Variants in GLT8D2 observed in about 807,000 individuals in gnomAD.
The protein encoded by GLT8D2 is glycosyltransferase 8 domain containing 2, also known as glycosyltransferase 8 domain-containing protein 2.
A neutral mutation model predicts 44.5 loss-of-function variants in GLT8D2; 45 were observed. The observed-to-expected ratio is 1.01, with a 90% CI of 0.80 to 1.30. The LOEUF (loss-of-function observed/expected upper bound fraction) is 1.30, where lower values mean the gene tolerates loss of function less well. GLT8D2 is among the 50% of genes most tolerant of loss of function. GLT8D2 has a pLI of 0.00. For missense variants in GLT8D2, 400 were observed against 430.4 expected, an observed-to-expected ratio of 0.93 and a Z score of 0.62; for synonymous variants, 156 against 157.2, an observed-to-expected ratio of 0.99 and a Z score of 0.06.
chr12:104,030,896 C>T, intron 1 of GLT8D2: 7 of 1,546,402 alleles, frequency 4.5e-6, no homozygotes, highest in South Asian at 3.4e-5. Context: ...GGAGGCGAAG[C>T]GCGGCGGGCA....
intron 1 of GLT8D2, chr12:104,031,602 G>GC (rs1302586816): frequency 6.3e-7 from 1 of 1,587,304 alleles, no homozygotes; most frequent in Non-Finnish European, 8.6e-7. Flanking sequence ...TTGTCCCTCT[G>GC]CCCCTCCCAC....
chr12:104,027,751 G>A (rs935032726), intron 1 of GLT8D2, among the ~76,000 whole-genome samples: 3 of 152,012 alleles, frequency 2.0e-5, no homozygotes, highest in East Asian at 1.9e-4. Context: ...ATTGTGGCTC[G>A]GAGAGGTTCA....
At position 104,030,636 on chromosome 12, in the gene GLT8D2, T is replaced by C. The variant is rs1028494208; in HGVS notation, c.-163-9145A>G. 9.4e-6 allele frequency: 12 copies of C among 1,283,188 alleles called. No homozygotes were observed. In the African/African-American group the frequency reaches 1.1e-4, roughly 11 times the overall value. The allele number at this position is 1,283,188 out of a possible 1,614,324, so 79.5% of individuals were successfully genotyped here. A position where few individuals can be genotyped will look rare whatever the true frequency, so the allele number is the denominator to read the frequency against. On this transcript the variant is annotated intron_variant, in intron 1 of 10. Transcript: ENST00000360814. ...TGGGAGCGATTATTTACAAACCATATACCTGATAAGAAGTTAATATCCAAA... is the reference window on the plus strand; with the variant it reads ...TGGGAGCGATTATTTACAAACCATACACCTGATAAGAAGTTAATATCCAAA...
chr12:104,054,674 C>T (rs1409960036), upstream of GLT8D2, among the ~76,000 whole-genome samples: 1 of 152,066 alleles, frequency 6.6e-6, no homozygotes, highest in Non-Finnish European at 1.5e-5. Context: ...TGTCCTGCAG[C>T]TAGAGTGGCA....
intron 2 of GLT8D2, among the ~76,000 whole-genome samples, chr12:104,020,500 T>G (rs183283623): frequency 1.3e-5 from 2 of 152,214 alleles, no homozygotes; most frequent in Non-Finnish European, 2.9e-5. Context: ...TTCCCAGTGA[T>G]GCACCGAAAA....
chr12:104,007,609 A>T (rs559943402), intron 4 of GLT8D2, among the ~76,000 whole-genome samples: 51 of 152,326 alleles, frequency 3.3e-4, no homozygotes, highest in African/African-American at 1.1e-3. Flanking sequence ...TTTGATCACT[A>T]TTTGATACAT....
chr12:104,005,435 G>A (rs1874855268), intron 4 of GLT8D2, among the ~76,000 whole-genome samples: 1 of 152,196 alleles, frequency 6.6e-6, no homozygotes, highest in African/African-American at 2.4e-5. Context: ...TACCATCAGA[G>A]TGAACAGGCA....
At chr12:104,059,936 CTG>C (rs1467784040) in intron 1 of GLT8D2, among the ~76,000 whole-genome samples, 2 of 152,210 alleles carry the variant, frequency 1.3e-5, no homozygotes, top group Admixed American at 1.3e-4. Flanking sequence ...GGCCAAGTCT[CTG>C]TAAAGAATAG....
chr12:103,996,673 G>A, intron 8 of GLT8D2, 62 bp downstream of exon 8: 2 of 1,161,524 alleles, frequency 1.7e-6, no homozygotes, highest in Non-Finnish European at 2.5e-6. Context: ...GACTTGCAGA[G>A]GGGGGAGAAG....
In GLT8D2 at chr12:103,992,890, A is replaced by C. The variant is rs557324664; in HGVS notation, c.880+502T>G. Among the ~76,000 whole-genome samples, 46 of 152,350 alleles carry C rather than the reference A, an allele frequency of 3.0e-4. No individual in the cohort carries two copies. The South Asian group carries it at 8.5e-3, about 28-fold the overall frequency. ...ATAAATCTCCAGAAACACGCTCCTC[A>C]GGTAGCTCAGAATATCAGCTGCACT... On this transcript the variant is annotated intron_variant, in intron 10 of 10. Coordinates refer to ENST00000360814, the MANE Select transcript of GLT8D2 (RefSeq NM_001384711.1).
At chr12:104,057,931 G>C (rs1882318213) in intron 1 of GLT8D2, among the ~76,000 whole-genome samples, 1 of 152,176 alleles carries the variant, frequency 6.6e-6, no homozygotes, top group South Asian at 2.1e-4. Flanking sequence ...ATCCTTAATG[G>C]GGGATATCCC....
intron 3 of GLT8D2, among the ~76,000 whole-genome samples, chr12:104,019,361 C>T (rs1023315173): frequency 6.6e-6 from 1 of 152,080 alleles, no homozygotes; most frequent in Admixed American, 6.6e-5. Context: ...CTCCCGAGCT[C>T]AACTGACCCG....
intron 1 of GLT8D2, among the ~76,000 whole-genome samples, chr12:104,032,931 A>G (rs1216384116): frequency 6.6e-6 from 1 of 151,388 alleles, no homozygotes; most frequent in Non-Finnish European, 1.5e-5. Context: ...CTGGGCTGGA[A>G]TGCAGTGGCA....
chr12:104,013,931 G>T (rs182442789), intron 4 of GLT8D2, among the ~76,000 whole-genome samples: 1 of 151,958 alleles, frequency 6.6e-6, no homozygotes. Context: ...TGCAGATGGG[G>T]TCTTGCTTTG....
chr12:104,047,462 G>A (rs567079879), intron 1 of GLT8D2, among the ~76,000 whole-genome samples: 15 of 151,914 alleles, frequency 9.9e-5, no homozygotes, highest in Non-Finnish European at 2.1e-4. Flanking sequence ...GCACCACCAC[G>A]CCTGGCTAAT....
chr12:104,022,787 C>T (rs936986891), intron 1 of GLT8D2, among the ~76,000 whole-genome samples: 6 of 151,212 alleles, frequency 4.0e-5, no homozygotes, highest in Non-Finnish European at 7.4e-5. Flanking sequence ...CACACACACA[C>T]ATGCACACAC....
chr12:104,002,100 C>T (rs1480968328), intron 5 of GLT8D2, among the ~76,000 whole-genome samples: 3 of 152,110 alleles, frequency 2.0e-5, no homozygotes, highest in African/African-American at 4.8e-5. Context: ...CTCAGCCTCC[C>T]GCTATGTATC....
intron 2 of GLT8D2, among the ~76,000 whole-genome samples, chr12:104,020,645 C>T (rs574071598): frequency 1.3e-5 from 2 of 152,124 alleles, no homozygotes; most frequent in East Asian, 1.9e-4. Flanking sequence ...GGGATAAAGA[C>T]GAACAAGGGT....
At chr12:104,062,780 T>A (rs564044680) in intron 1 of GLT8D2, among the ~76,000 whole-genome samples, 1 of 152,288 alleles carries the variant, frequency 6.6e-6, no homozygotes, top group Admixed American at 6.5e-5. Flanking sequence ...CAGTCCTTTT[T>A]CAATTAAAAT....
Sources: gnomAD v4.1 joint callset for allele counts (sites outside exome capture counted in the v4.1 genomes callset) on GRCh38, gnomAD v4.1.1 for gene constraint, MANE v1.5 for transcripts, NCBI Gene and HGNC (gene_info 2026-07-23, HGNC 2026-07-21) for gene names.